The following DNAI4 variants were observed in gnomAD, a reference collection of about 807,000 sequenced individuals.
DNAI4 encodes the protein dynein axonemal intermediate chain 4.
DNAI4 carries 85 observed loss-of-function variants against 105.8 expected under a neutral mutation model. The ratio of observed to expected loss-of-function variants is 0.80; its 90% CI spans 0.67 to 0.96. The LOEUF is 0.96. DNAI4 is among the 40% of genes least tolerant of loss of function. DNAI4 has a pLI of 0.00. For synonymous variants in DNAI4, 352 were observed against 331.5 expected (o/e 1.06, Z -0.67); for missense variants, 1,014 against 1,005.6 (o/e 1.01, Z -0.11).
Position 66,840,404 on chromosome 1 carries a change from T to C in DNAI4, c.1494+65A>G, listed in dbSNP as rs999594216. The C allele has an allele frequency of 1.5e-5, 22 of 1,453,198 alleles. No individual in the cohort carries two copies. The African/African-American group carries it at 3.1e-4, about 20-fold the overall frequency. The allele number at this position is 1,453,198 out of a possible 1,614,324, so 90.0% of individuals were successfully genotyped here. On this transcript the variant is annotated intron_variant, in intron 9 of 16. Coordinates refer to ENST00000371026, the MANE Select transcript of DNAI4 (RefSeq NM_024763.5). The stretch of plus-strand genomic sequence containing the variant: ...ATATCTAAGGAAAACAATTCTTCAT[T>C]ATTCGAACTTGATAATTTCCCTTCA...
At chr1:66,922,351 C>T (rs1650553005) in intron 1 of DNAI4, among the ~76,000 whole-genome samples, 1 of 151,870 alleles carries the variant, frequency 6.6e-6, no homozygotes, top group Admixed American at 6.6e-5. Context: ...GGAGGTGAGT[C>T]ATGAGGTTAT....
intron 8 of DNAI4, among the ~76,000 whole-genome samples, chr1:66,840,937 G>C (rs1296832534): frequency 6.6e-6 from 1 of 152,094 alleles, no homozygotes; most frequent in Non-Finnish European, 1.5e-5. Flanking sequence ...ACAAATGTGT[G>C]GTCTCTAAAA....
intron 1 of DNAI4, among the ~76,000 whole-genome samples, chr1:66,912,086 C>T (rs556043160): frequency 3.9e-5 from 6 of 152,270 alleles, no homozygotes; most frequent in East Asian, 1.9e-4. Context: ...AGGATCTGCC[C>T]GCCTTGGTCT....
intron 4 of DNAI4, among the ~76,000 whole-genome samples, chr1:66,887,554 GAGTC>G (rs1237734142): frequency 6.6e-6 from 1 of 152,008 alleles, no homozygotes; most frequent in Non-Finnish European, 1.5e-5. Flanking sequence ...GGAATTTTGT[GAGTC>G]AGTTGTTAAA....
Position 66,907,961 on chromosome 1 carries a change from T to C in DNAI4, c.171-2586A>G, listed in dbSNP as rs1459033291. ...TTGATTCTACCATGCTTTATTCCTCTACCATCTTTCTCATGCCATCTCTTC... is the reference window on the plus strand; with the variant it reads ...TTGATTCTACCATGCTTTATTCCTCCACCATCTTTCTCATGCCATCTCTTC... On this transcript the variant is annotated intron_variant, in intron 1 of 16. Coordinates refer to ENST00000371026, the MANE Select transcript of DNAI4 (RefSeq NM_024763.5). Among the ~76,000 whole-genome samples, 3 of 152,236 alleles carry C rather than the reference T, an allele frequency of 2.0e-5. No individual in the cohort carries two copies. The East Asian group carries it at 5.8e-4, about 29-fold the overall frequency.
chr1:66,841,645 A>G (rs1486993338), intron 8 of DNAI4, among the ~76,000 whole-genome samples: 1 of 152,112 alleles, frequency 6.6e-6, no homozygotes, highest in Non-Finnish European at 1.5e-5. Context: ...TGCTGTGATT[A>G]CAGACATGAG....
chr1:66,893,109 G>GAAAGAA (rs1012788036), intron 3 of DNAI4, 120 bp downstream of exon 3: 1 of 487,328 alleles, frequency 2.1e-6, no homozygotes, highest in Non-Finnish European at 3.4e-6. Context: ...AAGAAAGAAA[G>GAAAGAA]AAAGAAAGAA....
chr1:66,887,859 T>A (rs1416091503), intron 4 of DNAI4, among the ~76,000 whole-genome samples: 1 of 151,830 alleles, frequency 6.6e-6, no homozygotes, highest in Non-Finnish European at 1.5e-5. Flanking sequence ...CTTGGGAGTA[T>A]GAGGCAGGAG....
chr1:66,874,757 TG>T lies in DNAI4; in HGVS notation c.800+23del, dbSNP rs753494063. 5 of 1,581,860 alleles carry T rather than the reference TG, an allele frequency of 3.2e-6. No individual in the cohort carries two copies. The African/African-American group carries it at 6.9e-5, about 22-fold the overall frequency. ...CTTAGCATTTGAATTACAGAAACAATGTAGACAACTGAACCATACATACGTT... is the reference window on the plus strand; with the variant it reads ...CTTAGCATTTGAATTACAGAAACAATTAGACAACTGAACCATACATACGTT... On this transcript the variant is annotated intron_variant, in intron 5 of 16. Coordinates refer to ENST00000371026, the MANE Select transcript of DNAI4 (RefSeq NM_024763.5).
Position 66,870,399 on chromosome 1 carries a change from G to A in DNAI4, c.940+971C>T, listed in dbSNP as rs184324125. On this transcript the variant is annotated intron_variant, in intron 6 of 16. Coordinates refer to ENST00000371026, the MANE Select transcript of DNAI4 (RefSeq NM_024763.5). ...GGAGGTTGCAGTGAGCCAAGATTGC[G>A]CCATCGCACTCCAGCCTGGGTGACA... Among the ~76,000 whole-genome samples the A allele has an allele frequency of 6.4e-3, 934 of 146,660 alleles. 4 individuals carry two copies. The highest frequency in any genetic ancestry group is 0.022 in the African/African-American group (870 of 39,018).
chr1:66,902,946 A>G (rs1205034334), intron 2 of DNAI4, among the ~76,000 whole-genome samples: 1 of 152,158 alleles, frequency 6.6e-6, no homozygotes, highest in Non-Finnish European at 1.5e-5. Flanking sequence ...ATTACTATAG[A>G]TGTGTAATAA....
chr1:66,912,941 G>C (rs1050497187), intron 1 of DNAI4, among the ~76,000 whole-genome samples: 8 of 152,108 alleles, frequency 5.3e-5, no homozygotes, highest in African/African-American at 1.9e-4. Flanking sequence ...ATTTGCTAGG[G>C]ATCTAAAGTT....
At chr1:66,910,820 G>A (rs1318181381) in intron 1 of DNAI4, among the ~76,000 whole-genome samples, 1 of 152,122 alleles carries the variant, frequency 6.6e-6, no homozygotes, top group Non-Finnish European at 1.5e-5. Flanking sequence ...TTCATTCCCT[G>A]TTGTATCCCT....
At chr1:66,916,938 A>T (rs1439275945) in intron 1 of DNAI4, among the ~76,000 whole-genome samples, 1 of 151,858 alleles carries the variant, frequency 6.6e-6, no homozygotes, top group East Asian at 1.9e-4. Flanking sequence ...GACTTATTTT[A>T]CAATGACCTA....
intron 1 of DNAI4, among the ~76,000 whole-genome samples, chr1:66,914,233 C>T (rs930159547): frequency 1.3e-5 from 2 of 152,170 alleles, no homozygotes; most frequent in African/African-American, 2.4e-5. Context: ...CCAAAGTATA[C>T]GTAAAATGGA....
chr1:66,907,949 G>C (rs148163945), intron 1 of DNAI4, among the ~76,000 whole-genome samples: 29 of 152,168 alleles, frequency 1.9e-4, no homozygotes, highest in African/African-American at 6.7e-4. Flanking sequence ...ATTCTACCAT[G>C]CTTTATTCCT....
chr1:66,857,714 A>G (rs979438161), intron 7 of DNAI4, among the ~76,000 whole-genome samples: 9 of 151,976 alleles, frequency 5.9e-5, no homozygotes, highest in African/African-American at 2.2e-4. Flanking sequence ...TTGAATTTTT[A>G]GTACAGACGG....
Position 66,847,611 on chromosome 1 carries a change from T to C in DNAI4, c.1164A>G (p.Glu388=). 1.2e-6 allele frequency: 2 copies of C among 1,613,858 alleles called. No homozygotes were observed. Among genetic ancestry groups the C allele is most frequent in the Admixed American group, 1.7e-5 (1 of 59,944 alleles). Residue 388 remains glutamate, a synonymous_variant, in exon 8 of 17, where the codon GAA becomes GAG. Coordinates refer to ENST00000371026, the MANE Select transcript of DNAI4 (RefSeq NM_024763.5). ...ATTTTAATATTGCATCTGAGTGGTC[T>C]TCCTCATCTTCATGGATTTTTGCCA... ...VILAKIHEDE[E]DHSDAILKSD...
At chr1:66,914,155 A>T (rs1649890701) in intron 1 of DNAI4, among the ~76,000 whole-genome samples, 1 of 152,160 alleles carries the variant, frequency 6.6e-6, no homozygotes, top group Non-Finnish European at 1.5e-5. Context: ...AAATAATCTA[A>T]GAGTGAGGTG....
Sources: gnomAD v4.1 joint callset for allele counts (sites outside exome capture counted in the v4.1 genomes callset) on GRCh38, gnomAD v4.1.1 for gene constraint, MANE v1.5 for transcripts, NCBI Gene and HGNC (gene_info 2026-07-23, HGNC 2026-07-21) for gene names.